The following TNRC6A variants were observed in gnomAD, a reference collection of about 807,000 sequenced individuals.
TNRC6A encodes the protein trinucleotide repeat containing adaptor 6A.
In TNRC6A, 44 loss-of-function variants were observed where a neutral mutation model predicts 221.2. That is an observed-to-expected ratio of 0.20 (90% CI 0.16 to 0.26). The LOEUF (loss-of-function observed/expected upper bound fraction) is 0.26, where lower values mean the gene tolerates loss of function less well. Among genes scored for constraint, TNRC6A ranks in the 10% least tolerant of loss-of-function variants. The pLI is 1.00. For missense variants in TNRC6A, 2,199 were observed against 2,404.4 expected, an observed-to-expected ratio of 0.91 and a Z score of 1.79; for synonymous variants, 847 against 838.5, an observed-to-expected ratio of 1.01 and a Z score of -0.18.
chr16:24,811,533 G>A (rs1456237386), intron 18 of TNRC6A, among the ~76,000 whole-genome samples: 2 of 152,160 alleles, frequency 1.3e-5, no homozygotes, highest in Admixed American at 1.3e-4. Context: ...AGGCAGAGGT[G>A]AAGGGAGGGG....
intron 2 of TNRC6A, among the ~76,000 whole-genome samples, chr16:24,646,179 A>T (rs907029540): frequency 1.3e-5 from 2 of 152,162 alleles, no homozygotes; most frequent in Admixed American, 6.6e-5. Flanking sequence ...ATCTCATTTC[A>T]TATACACTAT....
At chr16:24,807,404 G>A (rs2058456440) in intron 17 of TNRC6A, among the ~76,000 whole-genome samples, 1 of 152,214 alleles carries the variant, frequency 6.6e-6, no homozygotes, top group Non-Finnish European at 1.5e-5. Flanking sequence ...TTAATCTTAA[G>A]TAGGATATTA....
At chr16:24,634,787 C>G (rs1901539700) in intron 1 of TNRC6A, among the ~76,000 whole-genome samples, 1 of 152,190 alleles carries the variant, frequency 6.6e-6, no homozygotes, top group Non-Finnish European at 1.5e-5. Flanking sequence ...CCCACCTTAC[C>G]AATCTTAGCC....
At chr16:24,623,061 C>A (rs1373162223) in intron 1 of TNRC6A, among the ~76,000 whole-genome samples, 1 of 152,210 alleles carries the variant, frequency 6.6e-6, no homozygotes, top group East Asian at 1.9e-4. Flanking sequence ...AGAGGAACCG[C>A]TGTGCGTACA....
intron 1 of TNRC6A, among the ~76,000 whole-genome samples, chr16:24,631,784 C>T (rs775567673): frequency 6.7e-6 from 1 of 148,300 alleles, no homozygotes; most frequent in Non-Finnish European, 1.5e-5. Flanking sequence ...AAAAAAAAAA[C>T]AACAAAAAAA....
chr16:24,639,908 C>T (rs188314726), intron 1 of TNRC6A, among the ~76,000 whole-genome samples: 92 of 152,288 alleles, frequency 6.0e-4, no homozygotes, highest in African/African-American at 2.1e-3. Context: ...CCTCCCACTT[C>T]GGCTTCCCAA....
intron 2 of TNRC6A, among the ~76,000 whole-genome samples, chr16:24,694,393 C>T (rs1567362670): frequency 6.6e-6 from 1 of 152,072 alleles, no homozygotes; most frequent in African/African-American, 2.4e-5. Flanking sequence ...CGGTGGCTCA[C>T]GCTTGTAATC....
intron 11 of TNRC6A, among the ~76,000 whole-genome samples, chr16:24,801,973 G>A (rs559183531): frequency 4.6e-5 from 7 of 150,992 alleles, no homozygotes; most frequent in Admixed American, 4.0e-4. Context: ...AGAGAACAGA[G>A]GAGGGAGCTG....
chr16:24,633,691 C>T (rs1311239182), intron 1 of TNRC6A, among the ~76,000 whole-genome samples: 5 of 152,154 alleles, frequency 3.3e-5, no homozygotes, highest in Admixed American at 2.0e-4. Context: ...CTGTGCCCGG[C>T]TTTTATTTCT....
At chr16:24,665,001 C>T (rs1382591319) in intron 2 of TNRC6A, 1 of 456,114 alleles carries the variant, frequency 2.2e-6, no homozygotes, top group East Asian at 7.0e-5. Flanking sequence ...ATCAGAGGGG[C>T]AGGATTTGAA....
chr16:24,776,964 G>C lies in TNRC6A; in HGVS notation c.195G>C (p.Gln65His), dbSNP rs756190293. Reference protein sequence around the residue: ...VPEQIKPSVSQPQPANSNNGT... With the variant: ...VPEQIKPSVSHPQPANSNNGT... ...AACAGATAAAGCCCAGTGTAAGCCA[G>C]CCTCAGCCTGCCAACTCTAATAACG... The change falls in exon 5 of 25, where the codon CAG becomes CAC. Residue 65 changes from glutamine (Q) to histidine (H), a missense_variant. Physicochemically the swap from Gln to His is conservative, Grantham distance 24 (BLOSUM62 0). Coordinates refer to ENST00000395799, the MANE Select transcript of TNRC6A (RefSeq NM_014494.4). 2 of 1,614,044 alleles carry C rather than the reference G, an allele frequency of 1.2e-6. No homozygotes were observed. Among genetic ancestry groups the C allele is most frequent in the Non-Finnish European group, 1.7e-6 (2 of 1,179,978 alleles).
At position 24,791,583 on chromosome 16, in the gene TNRC6A, G is replaced by A; in HGVS notation, c.2941G>A (p.Glu981Lys). The A allele has an allele frequency of 6.3e-7, 1 of 1,579,042 alleles. No homozygotes were observed. Among genetic ancestry groups the A allele is most frequent in the East Asian group, 2.2e-5 (1 of 44,520 alleles). ...GGGACCTATACCAGCCCCAGCAAAAGAAGAAGAACCCACAGGCTGGGAGGA... is the reference window on the plus strand; with the variant it reads ...GGGACCTATACCAGCCCCAGCAAAAAAAGAAGAACCCACAGGCTGGGAGGA... ...LGGPIPAPAK[E>K]EEPTGWEEPS... Residue 981 changes from glutamate to lysine, a missense_variant, in exon 6 of 25, where the codon GAA (glutamate) becomes AAA (lysine). Physicochemically the swap from Glu to Lys is moderately conservative, Grantham distance 56. Transcript: ENST00000395799.
chr16:24,690,548 A>G (rs2055735138), intron 2 of TNRC6A, among the ~76,000 whole-genome samples: 1 of 152,142 alleles, frequency 6.6e-6, no homozygotes, highest in South Asian at 2.1e-4. Context: ...TCTGTTCACA[A>G]GTATTATTTT....
At chr16:24,791,845 C>T in intron 6 of TNRC6A, 28 bp downstream of exon 6, 8 of 1,472,792 alleles carry the variant, frequency 5.4e-6, no homozygotes, top group Admixed American at 2.7e-5. Flanking sequence ...GAAATCAAGC[C>T]TTGTTTTAAC....
At chr16:24,677,164 C>CTT (rs57906267) in intron 2 of TNRC6A, among the ~76,000 whole-genome samples, 4,960 of 138,846 alleles carry the variant, frequency 0.036, 125 homozygotes, top group Middle Eastern at 0.062. Context: ...CTTTTTTTTT[C>CTT]TTTTTTTTTT....
Position 24,797,597 on chromosome 16 carries a change from T to C in TNRC6A, c.3642+27T>C. 2.6e-6 allele frequency: 4 copies of C among 1,523,142 alleles called. 1 individual carries two copies. Among genetic ancestry groups the C allele is most frequent in the Non-Finnish European group, 3.6e-6 (4 of 1,108,442 alleles). 94.4% of individuals were successfully genotyped at this position (1,523,142 alleles called of 1,614,324 possible). Reference sequence around the variant, plus strand: ...TAAGTATGTTTTCTTAGCAGCTCCTTCCTCTTTTAATGGTGGTCCATGATT... The same window carrying C: ...TAAGTATGTTTTCTTAGCAGCTCCTCCCTCTTTTAATGGTGGTCCATGATT... On this transcript the variant is annotated intron_variant, in intron 10 of 24. Coordinates refer to ENST00000395799, the MANE Select transcript of TNRC6A (RefSeq NM_014494.4).
At chr16:24,742,729 C>G (rs758519994) in intron 2 of TNRC6A, among the ~76,000 whole-genome samples, 2 of 152,142 alleles carry the variant, frequency 1.3e-5, no homozygotes, top group Non-Finnish European at 2.9e-5. Flanking sequence ...TGAGACCAGC[C>G]TGTCCAACAT....
intron 1 of TNRC6A, among the ~76,000 whole-genome samples, chr16:24,623,835 G>A (rs1252204749): frequency 7.0e-6 from 1 of 143,884 alleles, no homozygotes; most frequent in African/African-American, 2.6e-5. Context: ...CCAGGAGTTG[G>A]AGGCTGCAGT....
At chr16:24,822,289 C>T (rs2058781514) in intron 23 of TNRC6A, 142 bp downstream of exon 23, 2 of 763,618 alleles carry the variant, frequency 2.6e-6, no homozygotes, top group Admixed American at 5.1e-5. Context: ...CTGTAGACCT[C>T]AGGCAGGCTG....
Sources: allele counts gnomAD v4.1 joint callset (sites outside exome capture counted in the v4.1 genomes callset), GRCh38; gene constraint gnomAD v4.1.1; transcripts MANE v1.5; gene names NCBI Gene and HGNC (gene_info 2026-07-23, HGNC 2026-07-21).